The following MAGEF1 variants were observed in gnomAD, a reference collection of about 807,000 sequenced individuals.
MAGEF1 encodes the protein melanoma-associated antigen F1.
For missense variants in MAGEF1, 418 were observed against 399.5 expected (o/e 1.05, Z -0.39); for synonymous variants, 150 against 163.6 (o/e 0.92, Z 0.63).
At position 184,711,503 on chromosome 3, in the gene MAGEF1, T is replaced by C. The variant is rs1481064523; in HGVS notation, c.319A>G (p.Ile107Val). ...ITRSEMVKYV[I>V]GDLKILFPDI... ...GGGAACAGAATCTTCAAGTCTCCAA[T>C]AACGTATTTCACCATCTCCGAGCGT... Residue 107 changes from isoleucine (I) to valine (V), a missense_variant, in exon 1 of 1, where the codon ATT becomes GTT. Physicochemically the swap from Ile to Val is conservative, Grantham distance 29. Coordinates refer to ENST00000317897, the MANE Select transcript of MAGEF1 (RefSeq NM_022149.5). The C allele has an allele frequency of 1.2e-6, 2 of 1,614,204 alleles. No individual in the cohort carries two copies. Among genetic ancestry groups the C allele is most frequent in the South Asian group, 2.2e-5 (2 of 91,088 alleles).
rs1281843836 is a variant in MAGEF1, at chr3:184,711,634, G to A, written c.188C>T (p.Ala63Val). The A allele has an allele frequency of 1.6e-5, 26 of 1,608,182 alleles. No homozygotes were observed. Among genetic ancestry groups the A allele is most frequent in the East Asian group, 4.5e-5 (2 of 44,820 alleles). The part of the protein sequence containing the change: ...ALTRKGARAL[A>V]AKALARRRAY... ...CCTGCGCCTTGCCAAGGCTTTGGCC[G>A]CCAAGGCCCTCGCGCCTTTCCGGGT... Residue 63 changes from alanine (A) to valine (V), a missense_variant, in exon 1 of 1, where the codon GCG (alanine) becomes GTG (valine). Physicochemically the swap from Ala to Val is moderately conservative, Grantham distance 64. Coordinates refer to ENST00000317897, the MANE Select transcript of MAGEF1 (RefSeq NM_022149.5).
Position 184,711,170 on chromosome 3 carries a change from A to T in MAGEF1, c.652T>A (p.Phe218Ile), listed in dbSNP as rs995986159. The T allele has an allele frequency of 2.5e-6, 4 of 1,614,162 alleles. No individual in the cohort carries two copies. Among genetic ancestry groups the T allele is most frequent in the Non-Finnish European group, 3.4e-6 (4 of 1,180,032 alleles). Reference sequence around the variant, plus strand: ...TAACTGAGATATCGCTGCTGCACAAAATCTTCCATAATAAGCCTCTTCGGA... The same window carrying T: ...TAACTGAGATATCGCTGCTGCACAATATCTTCCATAATAAGCCTCTTCGGA... ...GYPKRLIMEDFVQQRYLSYRR... is the reference protein window; with the variant it reads ...GYPKRLIMEDIVQQRYLSYRR... The change falls in exon 1 of 1, where the codon TTT (phenylalanine) becomes ATT (isoleucine). Residue 218 changes from phenylalanine to isoleucine, a missense_variant. Physicochemically the swap from Phe to Ile is conservative, Grantham distance 21. Transcript: ENST00000317897.
rs1470187038 is a variant in MAGEF1 at position 184,711,814 on chromosome 3, T to C, written c.8A>G (p.Gln3Arg). 3 of 1,510,320 alleles carry C rather than the reference T, an allele frequency of 2.0e-6. No individual in the cohort carries two copies. Among genetic ancestry groups the C allele is most frequent in the Non-Finnish European group, 2.6e-6 (3 of 1,133,106 alleles). The allele number at this position is 1,510,320 out of a possible 1,614,324, so 93.6% of individuals were successfully genotyped here. A position where few individuals can be genotyped will look rare whatever the true frequency, so the allele number is the denominator to read the frequency against. ...CGGGAGCCCCCTGCTCTCTGGTGTCTGCAACATGTTTTCGGGCAGGCAGGT... is the reference window on the plus strand; with the variant it reads ...CGGGAGCCCCCTGCTCTCTGGTGTCCGCAACATGTTTTCGGGCAGGCAGGT... MLQTPESRGLPVP... is the reference protein window; with the variant it reads MLRTPESRGLPVP... The change falls in exon 1 of 1, where the codon CAG becomes CGG. Residue 3 changes from glutamine to arginine, a missense_variant. Physicochemically the swap from Gln to Arg is conservative, Grantham distance 43. Transcript: ENST00000317897.
chr3:184,711,795 C>G lies in MAGEF1; in HGVS notation c.27G>C (p.Gly9=). 6.6e-7 allele frequency: 1 copy of G among 1,518,624 alleles called. No individual in the cohort carries two copies. The highest frequency in any genetic ancestry group is 8.8e-7 in the Non-Finnish European group (1 of 1,138,228). 94.1% of individuals were successfully genotyped at this position (1,518,624 alleles called of 1,614,324 possible). MLQTPESR[G]LPVPQAEGEK... is the part of the protein sequence containing the mutation. ...CCCCCTCGGCCTGCGGGACCGGGAGCCCCCTGCTCTCTGGTGTCTGCAACA... is the reference window on the plus strand; with the variant it reads ...CCCCCTCGGCCTGCGGGACCGGGAGGCCCCTGCTCTCTGGTGTCTGCAACA... Residue 9 remains glycine (G), a synonymous_variant, in exon 1 of 1, where the codon GGG becomes GGC. Transcript: ENST00000317897.
chr3:184,711,558 C>G lies in MAGEF1; in HGVS notation c.264G>C (p.Leu88=). Residue 88 remains leucine, a synonymous_variant, in exon 1 of 1, where the codon CTG becomes CTC. Transcript: ENST00000317897. The part of the protein sequence containing the change: ...RTVAELVQFL[L]VKDKKKSPIT... ...TGGGACTCTTCTTCTTGTCTTTCACCAGGAGGAACTGCACCAACTCCGCCA... is the reference window on the plus strand; with the variant it reads ...TGGGACTCTTCTTCTTGTCTTTCACGAGGAGGAACTGCACCAACTCCGCCA... 1 of 1,614,172 alleles carries G rather than the reference C, an allele frequency of 6.2e-7. No homozygotes were observed. Among genetic ancestry groups the G allele is most frequent in the Non-Finnish European group, 8.5e-7 (1 of 1,180,042 alleles).
Position 184,711,331 on chromosome 3 carries a change from C to G in MAGEF1, c.491G>C (p.Gly164Ala), listed in dbSNP as rs758854881. ...CATCATTAACAGACCCAATCTGGGGCCATCTCCTCCCAGATCCTCCTCCTC... is the reference window on the plus strand; with the variant it reads ...CATCATTAACAGACCCAATCTGGGGGCATCTCCTCCCAGATCCTCCTCCTC... The part of the protein sequence containing the change: ...EEEEEDLGGD[G>A]PRLGLLMMIL... Residue 164 changes from glycine (G) to alanine (A), a missense_variant, in exon 1 of 1, where the codon GGC (glycine) becomes GCC (alanine). Physicochemically the swap from Gly to Ala is moderately conservative, Grantham distance 60 (BLOSUM62 0). Transcript: ENST00000317897. The G allele has an allele frequency of 4.4e-6, 7 of 1,597,574 alleles. No individual in the cohort carries two copies. Among genetic ancestry groups the G allele is most frequent in the South Asian group, 2.2e-5 (2 of 90,324 alleles).
In MAGEF1 at chr3:184,711,959, T is replaced by C. The variant is rs941771626; in HGVS notation, c.-138A>G. ...GCAATGGCAGCGGGAGCTTTGTGGC[T>C]GCTGGGCCGCACCGCACGGGAGTCA... On this transcript the variant is annotated 5_prime_UTR_variant, in exon 1 of 1. Transcript: ENST00000317897. The C allele has an allele frequency of 1.6e-5, 21 of 1,330,896 alleles. No homozygotes were observed. The South Asian group carries it at 4.8e-4, about 31-fold the overall frequency. 82.4% of individuals were successfully genotyped at this position (1,330,896 alleles called of 1,614,324 possible).
chr3:184,710,904 G>C lies in MAGEF1; in HGVS notation c.918C>G (p.Leu306=). The C allele has an allele frequency of 6.4e-7, 1 of 1,572,046 alleles. No homozygotes were observed. The highest frequency in any genetic ancestry group is 2.3e-5 in the East Asian group (1 of 44,194). Residue 306 remains leucine (L), a synonymous_variant, in exon 1 of 1, where the codon CTC becomes CTG. Coordinates refer to ENST00000317897, the MANE Select transcript of MAGEF1 (RefSeq NM_022149.5). ...ARASARAGIH[L]W ...GCCAACTTTTCACCAACCCTCACCA[G>C]AGGTGGATGCCGGCCCTAGCACTGG...
At position 184,711,649 on chromosome 3, in the gene MAGEF1, C is replaced by A; in HGVS notation, c.173G>T (p.Gly58Val). ...GAAEPALTRK[G>V]ARALAAKALA... ...GGCTTTGGCCGCCAAGGCCCTCGCG[C>A]CTTTCCGGGTGAGGGCGGGCTCCGC... is the stretch of plus-strand genomic sequence containing the variant. The change falls in exon 1 of 1, where the codon GGC (glycine) becomes GTC (valine). Residue 58 changes from glycine to valine, a missense_variant. By Grantham distance (109) the Gly-to-Val change is moderately radical (BLOSUM62 -3). Coordinates refer to ENST00000317897, the MANE Select transcript of MAGEF1 (RefSeq NM_022149.5). 1 of 1,604,860 alleles carries A rather than the reference C, an allele frequency of 6.2e-7. No homozygotes were observed. The highest frequency in any genetic ancestry group is 8.5e-7 in the Non-Finnish European group (1 of 1,176,348).
Position 184,711,932 on chromosome 3 carries a change from G to C in MAGEF1, c.-111C>G. ...GCGGCAGTGACGGCGGGAGTACAAGGAGCAATGGCAGCGGGAGCTTTGTGG... is the reference window on the plus strand; with the variant it reads ...GCGGCAGTGACGGCGGGAGTACAAGCAGCAATGGCAGCGGGAGCTTTGTGG... On this transcript the variant is annotated 5_prime_UTR_variant, in exon 1 of 1. Transcript: ENST00000317897. 1.5e-6 allele frequency: 2 copies of C among 1,374,404 alleles called. No homozygotes were observed. Among genetic ancestry groups the C allele is most frequent in the South Asian group, 4.1e-5 (2 of 48,906 alleles). The allele number at this position is 1,374,404 out of a possible 1,614,324, so 85.1% of individuals were successfully genotyped here.
Position 184,711,896 on chromosome 3 carries a change from G to A in MAGEF1, c.-75C>T. ...GAGCCGCCGCGCAAGCCCCGGGGGA[G>A]GGGTTGGACAGCGGCAGTGACGGCG... On this transcript the variant is annotated 5_prime_UTR_variant, in exon 1 of 1. Coordinates refer to ENST00000317897, the MANE Select transcript of MAGEF1 (RefSeq NM_022149.5). The A allele has an allele frequency of 3.5e-6, 5 of 1,426,222 alleles. No individual in the cohort carries two copies. Among genetic ancestry groups the A allele is most frequent in the Middle Eastern group, 2.1e-4 (1 of 4,702 alleles). 88.3% of individuals were successfully genotyped at this position (1,426,222 alleles called of 1,614,324 possible).
At position 184,711,950 on chromosome 3, in the gene MAGEF1, C is replaced by A; in HGVS notation, c.-129G>T. ...GTACAAGGAGCAATGGCAGCGGGAG[C>A]TTTGTGGCTGCTGGGCCGCACCGCA... On this transcript the variant is annotated 5_prime_UTR_variant, in exon 1 of 1. Coordinates refer to ENST00000317897, the MANE Select transcript of MAGEF1 (RefSeq NM_022149.5). The A allele has an allele frequency of 7.4e-7, 1 of 1,352,936 alleles. No individual in the cohort carries two copies. The allele number at this position is 1,352,936 out of a possible 1,614,324, so 83.8% of individuals were successfully genotyped here. A position where few individuals can be genotyped will look rare whatever the true frequency, so the allele number is the denominator to read the frequency against.
chr3:184,711,440 CAT>C, the MAGEF1 span: 39 of 1,614,124 alleles, frequency 2.4e-5, 1 homozygote, highest in South Asian at 2.6e-4. Context: ...AAACCAAAGA[CAT>C]ACCGCAGATG....
At position 184,712,033 on chromosome 3, in the gene MAGEF1, C is replaced by G. The variant is rs1712246036; in HGVS notation, c.-212G>C. 1 of 916,268 alleles carries G rather than the reference C, an allele frequency of 1.1e-6. No individual in the cohort carries two copies. The allele number at this position is 916,268 out of a possible 1,614,324, so 56.8% of individuals were successfully genotyped here. A position where few individuals can be genotyped will look rare whatever the true frequency, so the allele number is the denominator to read the frequency against. ...GCAGCCGGAACCTGCGGCGCGCAGC[C>G]TCAGTCCGCGCCCGCGCGAGGGGCC... On this transcript the variant is annotated 5_prime_UTR_variant, in exon 1 of 1. Transcript: ENST00000317897.
Position 184,711,037 on chromosome 3 carries a change from T to C in MAGEF1, c.785A>G (p.His262Arg), listed in dbSNP as rs1042624778. Residue 262 changes from histidine (H) to arginine (R), a missense_variant, in exon 1 of 1, where the codon CAT (histidine) becomes CGT (arginine). By Grantham distance (29) the His-to-Arg change is conservative. Transcript: ENST00000317897. Reference sequence around the variant, plus strand: ...TGGCCAGTGCTGCGGTTCCTTCTTATGCAGTTTGGCCACGAACCCCAGGAC... The same window carrying C: ...TGGCCAGTGCTGCGGTTCCTTCTTACGCAGTTTGGCCACGAACCCCAGGAC... ...MEVLGFVAKL[H>R]KKEPQHWPVQ... The C allele has an allele frequency of 6.2e-6, 10 of 1,614,108 alleles. No individual in the cohort carries two copies. In the African/African-American group the frequency reaches 8.0e-5, roughly 13 times the overall value.
Position 184,710,829 on chromosome 3 carries a change from C to G in MAGEF1, c.*69G>C, listed in dbSNP as rs1317163095. On this transcript the variant is annotated 3_prime_UTR_variant, in exon 1 of 1. Transcript: ENST00000317897. The stretch of plus-strand genomic sequence containing the variant: ...ACAGAAATAAGACCCTCGCCCCACC[C>G]ATATTACTTATGACTCAGGACAGTA... The G allele has an allele frequency of 2.0e-6, 3 of 1,465,958 alleles. No individual in the cohort carries two copies. Among genetic ancestry groups the G allele is most frequent in the Non-Finnish European group, 1.8e-6 (2 of 1,107,502 alleles). The allele number at this position is 1,465,958 out of a possible 1,614,324, so 90.8% of individuals were successfully genotyped here. A position where few individuals can be genotyped will look rare whatever the true frequency, so the allele number is the denominator to read the frequency against.
Position 184,710,859 on chromosome 3 carries a change from G to C in MAGEF1, c.*39C>G. The C allele has an allele frequency of 6.6e-7, 1 of 1,521,954 alleles. No individual in the cohort carries two copies. The highest frequency in any genetic ancestry group is 8.8e-7 in the Non-Finnish European group (1 of 1,134,930). 94.3% of individuals were successfully genotyped at this position (1,521,954 alleles called of 1,614,324 possible). On this transcript the variant is annotated 3_prime_UTR_variant, in exon 1 of 1. Transcript: ENST00000317897. ...TACTTATGACTCAGGACAGTAGTTC[G>C]TCCTCACGGGGACCCACTGGCCAAC... is the stretch of plus-strand genomic sequence containing the variant.
chr3:184,711,182 T>A lies in MAGEF1; in HGVS notation c.640A>T (p.Ile214Phe). ...CGCTGCTGCACAAAATCTTCCATAATAAGCCTCTTCGGATACCCAAAGAGG... is the reference window on the plus strand; with the variant it reads ...CGCTGCTGCACAAAATCTTCCATAAAAAGCCTCTTCGGATACCCAAAGAGG... ...HFLFGYPKRL[I>F]MEDFVQQRYL... is the part of the protein sequence containing the mutation. Residue 214 changes from isoleucine (I) to phenylalanine (F), a missense_variant, in exon 1 of 1, where the codon ATT becomes TTT. Physicochemically the swap from Ile to Phe is conservative, Grantham distance 21. Transcript: ENST00000317897. The A allele has an allele frequency of 6.2e-7, 1 of 1,614,202 alleles. No individual in the cohort carries two copies. The highest frequency in any genetic ancestry group is 2.2e-5 in the East Asian group (1 of 44,876).
chr3:184,711,331 C>T lies in MAGEF1; in HGVS notation c.491G>A (p.Gly164Asp), dbSNP rs758854881. ...EEEEEDLGGD[G>D]PRLGLLMMIL... Reference sequence around the variant, plus strand: ...CATCATTAACAGACCCAATCTGGGGCCATCTCCTCCCAGATCCTCCTCCTC... The same window carrying T: ...CATCATTAACAGACCCAATCTGGGGTCATCTCCTCCCAGATCCTCCTCCTC... Residue 164 changes from glycine to aspartate, a missense_variant, in exon 1 of 1, where the codon GGC becomes GAC. Transcript: ENST00000317897. 6.3e-7 allele frequency: 1 copy of T among 1,597,570 alleles called. No homozygotes were observed. The highest frequency in any genetic ancestry group is 1.7e-5 in the Admixed American group (1 of 58,424).
Sources: allele counts gnomAD v4.1 joint callset, GRCh38; gene constraint gnomAD v4.1.1; transcripts MANE v1.5; gene names NCBI Gene and HGNC (gene_info 2026-07-23, HGNC 2026-07-21).